The following PCDH15 variants were observed in gnomAD, a reference collection of about 807,000 sequenced individuals.
PCDH15 encodes protocadherin-15.
Under a neutral mutation model 178.5 loss-of-function variants are expected in PCDH15, and 129 were observed. The ratio of observed to expected loss-of-function variants is 0.72; its 90% CI spans 0.63 to 0.84. The LOEUF is 0.84. Among genes scored for constraint, PCDH15 ranks in the 40% least tolerant of loss-of-function variants. The pLI, the probability that PCDH15 is intolerant of heterozygous loss-of-function variation, is 0.00. For synonymous variants in PCDH15, 800 were observed against 732.0 expected (o/e 1.09, Z -1.50); for missense variants, 2,230 against 2,099.9 (o/e 1.06, Z -1.21).
At chr10:54,448,675 A>G (rs545728883) in intron 3 of PCDH15, among the ~76,000 whole-genome samples, 2 of 151,750 alleles carry the variant, frequency 1.3e-5, no homozygotes, top group Non-Finnish European at 2.9e-5. Context: ...AGTTACAACA[A>G]TATTGTCTCT....
At chr10:55,125,528 G>C (rs1837876518) in intron 2 of PCDH15, among the ~76,000 whole-genome samples, 1 of 152,006 alleles carries the variant, frequency 6.6e-6, no homozygotes. Flanking sequence ...AGCCTCCTAA[G>C]GGAGGTGAAG....
At chr10:54,618,289 G>T (rs1477964248) in intron 2 of PCDH15, among the ~76,000 whole-genome samples, 1 of 152,026 alleles carries the variant, frequency 6.6e-6, no homozygotes, top group African/African-American at 2.4e-5. Context: ...TGATACTTAG[G>T]TTATTACAAA....
intron 15 of PCDH15, among the ~76,000 whole-genome samples, chr10:54,125,167 A>G (rs2041886095): frequency 6.6e-6 from 1 of 151,870 alleles, no homozygotes; most frequent in South Asian, 2.1e-4. Flanking sequence ...TTTTCCCTTC[A>G]GGTAACTGGA....
At chr10:54,861,371 A>G (rs1469682447) in intron 3 of PCDH15, among the ~76,000 whole-genome samples, 4 of 152,304 alleles carry the variant, frequency 2.6e-5, no homozygotes, top group African/African-American at 7.2e-5. Flanking sequence ...TACCTAGAGG[A>G]AATAAATAAA....
chr10:54,236,875 C>G lies in PCDH15; in HGVS notation c.933G>C (p.Arg311=), dbSNP rs775730183. 1 of 1,613,580 alleles carries G rather than the reference C, an allele frequency of 6.2e-7. No individual in the cohort carries two copies. Among genetic ancestry groups the G allele is most frequent in the Non-Finnish European group, 8.5e-7 (1 of 1,179,692 alleles). The part of the protein sequence containing the change: ...TPPIQAIDQD[R]NIQPPSDRPG... ...GCCTATCTGATGGCGGTTGAATATT[C>G]CGGTCCTGATCAATGGCTTGGATTG... is the stretch of plus-strand genomic sequence containing the variant. Residue 311 remains arginine (R), a synonymous_variant, in exon 9 of 38, where the codon CGG becomes CGC. Coordinates refer to ENST00000644397, the MANE Select transcript of PCDH15 (RefSeq NM_001384140.1).
At chr10:55,567,856 T>C (rs959962014) in intron 2 of PCDH15, among the ~76,000 whole-genome samples, 1 of 151,518 alleles carries the variant, frequency 6.6e-6, no homozygotes, top group African/African-American at 2.4e-5. Flanking sequence ...AAAAAAAAAC[T>C]ACAATGAGAT....
rs56817323 is a variant in PCDH15 at position 55,582,596 on chromosome 10, GTA to G, written c.-156+45027_-156+45028del. ...AACTGGCTATTCTGTATGTGTATGT[GTA>G]TATATATATATATATATATATATAT... On this transcript the variant is annotated intron_variant, in intron 2 of 5. Transcript: ENST00000613346. 3.1e-3 allele frequency among the ~76,000 whole-genome samples: 284 copies of G among 90,286 alleles called. 1 individual carries two copies. The highest frequency in any genetic ancestry group is 7.0e-3 in the Middle Eastern group (1 of 142). The allele number at this position is 90,286 out of a possible 152,430, so 59.2% of individuals were successfully genotyped here. A position where few individuals can be genotyped will look rare whatever the true frequency, so the allele number is the denominator to read the frequency against.
chr10:55,035,298 T>C (rs572579807), intron 2 of PCDH15, among the ~76,000 whole-genome samples: 6 of 152,174 alleles, frequency 3.9e-5, no homozygotes, highest in Non-Finnish European at 7.4e-5. Flanking sequence ...GCTTGAAGGA[T>C]AATTCATACA....
chr10:55,597,820 TA>T (rs1387641729), intron 2 of PCDH15, among the ~76,000 whole-genome samples: 4 of 152,102 alleles, frequency 2.6e-5, no homozygotes, highest in African/African-American at 9.7e-5. Context: ...TTCATCCAGT[TA>T]ATGTAGCTTA....
At chr10:54,926,923 T>TA (rs200648445) in intron 2 of PCDH15, among the ~76,000 whole-genome samples, 1 of 152,028 alleles carries the variant, frequency 6.6e-6, no homozygotes, top group Non-Finnish European at 1.5e-5. Context: ...TGAGATTTTT[T>TA]AAAATTTTTT....
At chr10:55,445,849 C>T (rs976114841) in intron 2 of PCDH15, among the ~76,000 whole-genome samples, 1 of 151,988 alleles carries the variant, frequency 6.6e-6, no homozygotes, top group East Asian at 1.9e-4. Flanking sequence ...CCCACTACCC[C>T]TCCTGTACCT....
At chr10:53,972,230 GC>G (rs1340859528) in intron 21 of PCDH15, among the ~76,000 whole-genome samples, 3 of 152,034 alleles carry the variant, frequency 2.0e-5, no homozygotes, top group Non-Finnish European at 4.4e-5. Context: ...AAACTGGCTA[GC>G]CATATGTAGA....
chr10:54,835,412 C>A (rs537740576), intron 3 of PCDH15, among the ~76,000 whole-genome samples: 3 of 152,156 alleles, frequency 2.0e-5, no homozygotes, highest in Admixed American at 2.0e-4. Flanking sequence ...TTCTCCATCT[C>A]TCTTTCTCAT....
chr10:55,484,269 A>C (rs1255198785), intron 2 of PCDH15, among the ~76,000 whole-genome samples: 1 of 151,754 alleles, frequency 6.6e-6, no homozygotes, highest in Non-Finnish European at 1.5e-5. Context: ...GCAAACCTGC[A>C]CTTGTACCCC....
chr10:54,575,224 G>A (rs1201752073), intron 2 of PCDH15: 3 of 150,690 alleles, frequency 2.0e-5, no homozygotes, highest in Non-Finnish European at 4.4e-5. Flanking sequence ...TGGGTGCAGT[G>A]CACCAGCATG....
rs77417183 is a variant in PCDH15 at position 55,581,589 on chromosome 10, C to G, written c.-156+46036G>C. On this transcript the variant is annotated intron_variant, in intron 2 of 5. Transcript: ENST00000613346. Reference sequence around the variant, plus strand: ...CAATAGTGGACTGCATCACATATATCCCAAAAATACGTGAAATGATTATGA... The same window carrying G: ...CAATAGTGGACTGCATCACATATATGCCAAAAATACGTGAAATGATTATGA... 4.6e-3 allele frequency among the ~76,000 whole-genome samples: 701 copies of G among 151,528 alleles called. 6 individuals are homozygous for G. The highest frequency in any genetic ancestry group is 0.016 in the African/African-American group (668 of 41,342).
intron 20 of PCDH15, among the ~76,000 whole-genome samples, chr10:54,004,456 G>A (rs2135060586): frequency 6.7e-6 from 1 of 148,298 alleles, no homozygotes; most frequent in African/African-American, 2.5e-5. Flanking sequence ...GATAAATTTA[G>A]TAAAGTTGCA....
chr10:55,313,489 G>A (rs1475117388), intron 1 of PCDH15, among the ~76,000 whole-genome samples: 1 of 152,158 alleles, frequency 6.6e-6, no homozygotes, highest in African/African-American at 2.4e-5. Context: ...TGGCGTTACG[G>A]ATGTTGAAAG....
At chr10:54,089,164 C>G (rs1444427921) in intron 16 of PCDH15, among the ~76,000 whole-genome samples, 3 of 152,274 alleles carry the variant, frequency 2.0e-5, no homozygotes, top group East Asian at 3.9e-4. Flanking sequence ...ACTAATTGAC[C>G]AGCACATGGT....
Sources: allele counts gnomAD v4.1 joint callset (sites outside exome capture counted in the v4.1 genomes callset), GRCh38; gene constraint gnomAD v4.1.1; transcripts MANE v1.5; gene names NCBI Gene and HGNC (gene_info 2026-07-23, HGNC 2026-07-21).